Variants in MACROD2 observed in about 807,000 individuals in gnomAD.
The protein encoded by MACROD2 is mono-ADP ribosylhydrolase 2, also known as ADP-ribose glycohydrolase MACROD2.
A neutral mutation model predicts 70.4 loss-of-function variants in MACROD2; 36 were observed. The ratio of observed to expected loss-of-function variants is 0.51; its 90% CI spans 0.39 to 0.68. The LOEUF is 0.68. MACROD2 is among the 30% of genes least tolerant of loss of function. The pLI is 0.00. For synonymous variants in MACROD2, 172 were observed against 178.8 expected, an observed-to-expected ratio of 0.96 and a Z score of 0.30; for missense variants, 496 against 538.4, an observed-to-expected ratio of 0.92 and a Z score of 0.78.
intron 2 of MACROD2, among the ~76,000 whole-genome samples, chr20:14,066,496 ATTTTAT>A (rs1374118269): frequency 6.6e-6 from 1 of 152,206 alleles, no homozygotes; most frequent in Non-Finnish European, 1.5e-5. Context: ...ATTTTAAAAC[ATTTTAT>A]TTTTGTGTCA....
chr20:14,741,486 A>G (rs997905932), intron 5 of MACROD2, among the ~76,000 whole-genome samples: 26 of 152,122 alleles, frequency 1.7e-4, no homozygotes, highest in Admixed American at 8.5e-4. Flanking sequence ...TACTATATGC[A>G]ATCCTGAAAT....
intron 3 of MACROD2, among the ~76,000 whole-genome samples, chr20:14,305,485 C>G (rs1297441717): frequency 6.6e-6 from 1 of 151,962 alleles, no homozygotes; most frequent in Admixed American, 6.6e-5. Flanking sequence ...AGAAGAGGGC[C>G]TAGAATAGAA....
At chr20:14,588,122 T>C (rs1036513318) in intron 4 of MACROD2, among the ~76,000 whole-genome samples, 3 of 152,126 alleles carry the variant, frequency 2.0e-5, no homozygotes, top group African/African-American at 7.2e-5. Flanking sequence ...GGGATGATCA[T>C]CTGTTTCTTA....
At chr20:15,785,746 A>G (rs1175238185) in intron 8 of MACROD2, among the ~76,000 whole-genome samples, 1 of 152,144 alleles carries the variant, frequency 6.6e-6, no homozygotes, top group Admixed American at 6.5e-5. Context: ...ATGTTTCATC[A>G]TACATATCCC....
chr20:15,622,715 G>A (rs75464940), intron 8 of MACROD2, among the ~76,000 whole-genome samples: 11 of 152,254 alleles, frequency 7.2e-5, no homozygotes, highest in Non-Finnish European at 1.3e-4. Flanking sequence ...ATCTCCTCAC[G>A]TTGGCACATC....
intron 3 of MACROD2, among the ~76,000 whole-genome samples, chr20:14,446,121 C>T (rs2084179317): frequency 6.6e-6 from 1 of 152,086 alleles, no homozygotes; most frequent in African/African-American, 2.4e-5. Flanking sequence ...ATGACCCATC[C>T]AGAGTCTCTA....
intron 5 of MACROD2, among the ~76,000 whole-genome samples, chr20:15,024,455 G>T (rs1198482651): frequency 6.6e-6 from 1 of 151,838 alleles, no homozygotes; most frequent in Non-Finnish European, 1.5e-5. Flanking sequence ...AAATTAATTT[G>T]GTTTATTTGA....
At chr20:15,413,397 A>C (rs2046104568) in intron 6 of MACROD2, among the ~76,000 whole-genome samples, 1 of 152,194 alleles carries the variant, frequency 6.6e-6, no homozygotes. Context: ...GTAATTTCCG[A>C]AGTTATTGAT....
intron 8 of MACROD2, among the ~76,000 whole-genome samples, chr20:15,544,506 A>G (rs1321129635): frequency 1.3e-5 from 2 of 152,230 alleles, no homozygotes; most frequent in African/African-American, 2.4e-5. Flanking sequence ...AGAGAAGCCA[A>G]TCATGATTAG....
intron 5 of MACROD2, among the ~76,000 whole-genome samples, chr20:14,913,347 A>C (rs181381798): frequency 1.7e-4 from 26 of 152,232 alleles, no homozygotes; most frequent in African/African-American, 6.0e-4. Flanking sequence ...TTATATCTCA[A>C]AGTTTTCCGA....
At chr20:16,030,497 C>T (rs1477892498) in intron 15 of MACROD2, among the ~76,000 whole-genome samples, 2 of 152,168 alleles carry the variant, frequency 1.3e-5, no homozygotes, top group Non-Finnish European at 2.9e-5. Flanking sequence ...AGCAAGTGAG[C>T]ATGCAACCCA....
intron 5 of MACROD2, among the ~76,000 whole-genome samples, chr20:14,826,570 T>C (rs1170691697): frequency 6.6e-6 from 1 of 152,162 alleles, no homozygotes; most frequent in Non-Finnish European, 1.5e-5. Flanking sequence ...CGTGTATCTA[T>C]TGAGTTGCAT....
At chr20:14,745,608 G>T (rs1449141365) in intron 5 of MACROD2, among the ~76,000 whole-genome samples, 1 of 152,188 alleles carries the variant, frequency 6.6e-6, no homozygotes, top group Non-Finnish European at 1.5e-5. Context: ...GACAATAATT[G>T]TACTTATTCA....
chr20:15,416,177 A>G (rs952217520), intron 6 of MACROD2, among the ~76,000 whole-genome samples: 2 of 150,880 alleles, frequency 1.3e-5, no homozygotes, highest in Non-Finnish European at 3.0e-5. Flanking sequence ...GGTTGATAAA[A>G]CTCTTCACTG....
intron 15 of MACROD2, among the ~76,000 whole-genome samples, chr20:16,023,298 A>AC (rs906486867): frequency 6.6e-6 from 1 of 151,124 alleles, no homozygotes; most frequent in African/African-American, 2.4e-5. Flanking sequence ...ACACGGTGAA[A>AC]CCCCGTCTCT....
chr20:14,213,493 A>G (rs2081588503), intron 3 of MACROD2, among the ~76,000 whole-genome samples: 1 of 150,908 alleles, frequency 6.6e-6, no homozygotes, highest in South Asian at 2.1e-4. Context: ...GCAGTTTTGA[A>G]TAGAATAACA....
chr20:14,918,140 A>AT (rs1214660846), intron 5 of MACROD2, among the ~76,000 whole-genome samples: 2 of 151,568 alleles, frequency 1.3e-5, no homozygotes, highest in Non-Finnish European at 2.9e-5. Context: ...TCCCCAGTTA[A>AT]TTTTTGTATT....
intron 5 of MACROD2, among the ~76,000 whole-genome samples, chr20:15,098,716 A>C (rs937258640): frequency 1.3e-5 from 2 of 152,244 alleles, no homozygotes; most frequent in African/African-American, 4.8e-5. Context: ...ATGGTGGTAG[A>C]ACAGGGCTCA....
chr20:15,019,773 C>T (rs1435234845), intron 5 of MACROD2, among the ~76,000 whole-genome samples: 3 of 152,070 alleles, frequency 2.0e-5, no homozygotes, highest in Non-Finnish European at 2.9e-5. Flanking sequence ...CAAACACTTT[C>T]TGTAAAGGGC....
Sources: allele counts gnomAD v4.1 joint callset (sites outside exome capture counted in the v4.1 genomes callset), GRCh38; gene constraint gnomAD v4.1.1; transcripts MANE v1.5; gene names NCBI Gene and HGNC (gene_info 2026-07-23, HGNC 2026-07-21).